NRAP: variants seen among roughly 807,000 people sequenced by gnomAD.
NRAP encodes the protein nebulin related anchoring protein.
A neutral mutation model predicts 225.9 loss-of-function variants in NRAP; 189 were observed. The ratio of observed to expected loss-of-function variants is 0.84; its 90% CI spans 0.74 to 0.94. NRAP has a LOEUF of 0.94. Among genes scored for constraint, NRAP ranks in the 40% least tolerant of loss-of-function variants. The probability of loss-of-function intolerance (pLI) is 0.00; values close to 1 mark genes in which losing one functional copy is unlikely to be tolerated. For missense variants in NRAP, 2,176 were observed against 2,168.7 expected, an observed-to-expected ratio of 1.00 and a Z score of -0.07; for synonymous variants, 769 against 790.7, an observed-to-expected ratio of 0.97 and a Z score of 0.46.
At chr10:113,619,950 C>T (rs942496073) in intron 25 of NRAP, among the ~76,000 whole-genome samples, 8 of 152,264 alleles carry the variant, frequency 5.3e-5, no homozygotes, top group African/African-American at 1.9e-4. Context: ...CCTTGTAGGA[C>T]GTCCTGCTAA....
At chr10:113,660,664 T>C (rs1249223205) in intron 3 of NRAP, among the ~76,000 whole-genome samples, 1 of 152,218 alleles carries the variant, frequency 6.6e-6, no homozygotes, top group East Asian at 1.9e-4. Flanking sequence ...TGGATCTTTC[T>C]GTAGACACTG....
At chr10:113,639,015 A>T (rs1849039834) in intron 14 of NRAP, among the ~76,000 whole-genome samples, 1 of 151,326 alleles carries the variant, frequency 6.6e-6, no homozygotes, top group Non-Finnish European at 1.5e-5. Context: ...GATTTATAGA[A>T]TCCTACTGCA....
intron 3 of NRAP, among the ~76,000 whole-genome samples, chr10:113,660,382 TAC>T (rs1850597943): frequency 6.6e-6 from 1 of 151,964 alleles, no homozygotes; most frequent in South Asian, 2.1e-4. Flanking sequence ...CACATATATA[TAC>T]ACATATATAT....
At chr10:113,603,065 G>A (rs187623791) in intron 35 of NRAP, among the ~76,000 whole-genome samples, 10 of 152,316 alleles carry the variant, frequency 6.6e-5, no homozygotes, top group African/African-American at 2.4e-4. Context: ...CAGATGGCTG[G>A]TTATGTTCTA....
intron 35 of NRAP, among the ~76,000 whole-genome samples, chr10:113,602,316 C>G (rs1426421289): frequency 6.6e-6 from 1 of 152,200 alleles, no homozygotes; most frequent in Non-Finnish European, 1.5e-5. Flanking sequence ...CAGGTGGCCT[C>G]TCTACCTTCC....
chr10:113,611,834 A>G (rs1169797193), intron 30 of NRAP, among the ~76,000 whole-genome samples: 1 of 152,192 alleles, frequency 6.6e-6, no homozygotes, highest in Non-Finnish European at 1.5e-5. Context: ...CACAACCATG[A>G]ACCTTGAGGG....
At chr10:113,625,989 A>T (rs1848267409) in intron 21 of NRAP, 58 bp downstream of exon 21, 1 of 1,198,696 alleles carries the variant, frequency 8.3e-7, no homozygotes, top group Non-Finnish European at 1.2e-6. Flanking sequence ...TTGTCCCTGG[A>T]GGTCCCCCAG....
At chr10:113,654,507 C>CAAAAAAAAAAAAAAAAAAAA (rs56238053) in intron 4 of NRAP, among the ~76,000 whole-genome samples, 1 of 128,696 alleles carries the variant, frequency 7.8e-6, no homozygotes. Flanking sequence ...GCAATAAAAG[C>CAAAAAAAAAAAAAAAAAAAA]AAAAAAAAAA....
In NRAP at chr10:113,634,103, G is replaced by T. The variant is rs138969181; in HGVS notation, c.1527+9C>A. 639 of 1,600,530 alleles carry T rather than the reference G, an allele frequency of 4.0e-4. 3 individuals carry two copies. The African/African-American group carries it at 7.9e-3, about 20-fold the overall frequency. Reference sequence around the variant, plus strand: ...CCCTACATCCAGCTGGGCAGGGACAGTTACTTACATGACTCAGCTGCTGGG... The same window carrying T: ...CCCTACATCCAGCTGGGCAGGGACATTTACTTACATGACTCAGCTGCTGGG... On this transcript the variant is annotated intron_variant, in intron 15 of 41. Transcript: ENST00000359988.
chr10:113,617,211 G>T (rs1847718344), intron 26 of NRAP, among the ~76,000 whole-genome samples: 1 of 152,156 alleles, frequency 6.6e-6, no homozygotes, highest in Non-Finnish European at 1.5e-5. Context: ...CAAATGGGAA[G>T]GAGGGAGAGC....
rs1424506476 is a variant in NRAP, at chr10:113,621,789, TG to T, written c.2769+79del. ...CCATAGCATAAATTGTTGCACTGAA[TG>T]GCTTAGGGAAACACTTGCACTAGCA... On this transcript the variant is annotated intron_variant, in intron 24 of 41. Transcript: ENST00000359988. 3.0e-6 allele frequency: 4 copies of T among 1,346,108 alleles called. No individual in the cohort carries two copies. In the Admixed American group the frequency reaches 6.1e-5, roughly 20 times the overall value. 83.4% of individuals were successfully genotyped at this position (1,346,108 alleles called of 1,614,324 possible). A position where few individuals can be genotyped will look rare whatever the true frequency, so the allele number is the denominator to read the frequency against.
In NRAP at chr10:113,613,277, G is replaced by A. The variant is rs185240704; in HGVS notation, c.3301-846C>T. Among the ~76,000 whole-genome samples the A allele has an allele frequency of 3.0e-4, 46 of 152,274 alleles. 2 individuals carry two copies. Among genetic ancestry groups the A allele is most frequent in the African/African-American group, 1.1e-3 (44 of 41,544 alleles). On this transcript the variant is annotated intron_variant, in intron 29 of 41. Transcript: ENST00000359988. ...AGGAAAAAAAAAAAGTTATGAATGG[G>A]GAAACTGGGGCAGAATACAAAATGG...
chr10:113,602,092 A>G (rs3127104), intron 35 of NRAP, among the ~76,000 whole-genome samples: 109,308 of 152,110 alleles, frequency 0.72, 39,624 homozygotes, highest in East Asian at 0.91. Flanking sequence ...TGCCCAGGCT[A>G]GTCTCGAACT....
intron 20 of NRAP, among the ~76,000 whole-genome samples, chr10:113,628,219 G>T (rs1310988212): frequency 6.6e-6 from 1 of 151,870 alleles, no homozygotes; most frequent in Admixed American, 6.6e-5. Flanking sequence ...ACAGAGTATC[G>T]ATCTGTCGCC....
At chr10:113,653,099 A>T in intron 5 of NRAP, 60 bp from the exon 6 acceptor site, 1 of 886,150 alleles carries the variant, frequency 1.1e-6, no homozygotes, top group Non-Finnish European at 1.8e-6. Flanking sequence ...ACAACTAAGA[A>T]AACCGCAATA....
At chr10:113,631,265 A>G (rs1848558872) in intron 18 of NRAP, among the ~76,000 whole-genome samples, 1 of 152,114 alleles carries the variant, frequency 6.6e-6, no homozygotes. Flanking sequence ...GCAATTGAAC[A>G]CCTTTGTACC....
chr10:113,592,591 AC>A (rs1394319226), intron 38 of NRAP, among the ~76,000 whole-genome samples: 3 of 143,836 alleles, frequency 2.1e-5, no homozygotes, highest in Non-Finnish European at 4.5e-5. Context: ...AGAAGCCTCC[AC>A]CCCACTCCTT....
intron 38 of NRAP, among the ~76,000 whole-genome samples, chr10:113,595,013 G>A (rs942719715): frequency 1.3e-5 from 2 of 152,192 alleles, no homozygotes; most frequent in South Asian, 2.1e-4. Context: ...CCGAGCGGCC[G>A]CCTATTCTAT....
intron 23 of NRAP, 74 bp from the exon 24 acceptor site, chr10:113,622,254 G>A (rs530514991): frequency 2.0e-6 from 2 of 1,017,400 alleles, no homozygotes; most frequent in African/African-American, 3.2e-5. Flanking sequence ...CTCCATGCAT[G>A]GGAGCTGAAA....
Sources: allele counts gnomAD v4.1 joint callset (sites outside exome capture counted in the v4.1 genomes callset), GRCh38; gene constraint gnomAD v4.1.1; transcripts MANE v1.5; gene names NCBI Gene and HGNC (gene_info 2026-07-23, HGNC 2026-07-21).